The following NLRC3 variants were observed in gnomAD, a reference collection of about 807,000 sequenced individuals.
NLRC3 encodes NLR family CARD domain containing 3, also known as NLR family CARD domain-containing protein 3.
In NLRC3, 87 loss-of-function variants were observed where a neutral mutation model predicts 91.6. The observed-to-expected ratio is 0.95, with a 90% CI of 0.80 to 1.14. NLRC3 has a LOEUF of 1.14. Among genes scored for constraint, NLRC3 ranks in the 50% most tolerant of loss-of-function variants. NLRC3 has a pLI of 0.00. For missense variants in NLRC3, 1,577 were observed against 1,418.6 expected (o/e 1.11, Z -1.79); for synonymous variants, 694 against 625.3 (o/e 1.11, Z -1.64).
chr16:3,549,431 C>A (rs888685464), intron 12 of NLRC3, among the ~76,000 whole-genome samples: 3 of 152,138 alleles, frequency 2.0e-5, no homozygotes, highest in African/African-American at 7.2e-5. Context: ...GGACCATCCG[C>A]AGTACAGGGA....
In NLRC3 at chr16:3,563,635, C is replaced by T. The variant is rs746225755; in HGVS notation, c.1302G>A (p.Pro434=). The T allele has an allele frequency of 1.3e-5, 21 of 1,611,442 alleles. No individual in the cohort carries two copies. The highest frequency in any genetic ancestry group is 4.5e-5 in the East Asian group (2 of 44,664). ...CCTCTCTCTGCAGGAAGCAGCTGCACGGGGCGCCCTGCAGCAGAGCGAGGT... is the reference window on the plus strand; with the variant it reads ...CCTCTCTCTGCAGGAAGCAGCTGCATGGGGCGCCCTGCAGCAGAGCGAGGT... ...GVDLALLQGA[P]CSCFLQREET... is the part of the protein sequence containing the mutation. The change falls in exon 5 of 20, where the codon CCG becomes CCA. Residue 434 remains proline, a synonymous_variant. Coordinates refer to ENST00000359128, the MANE Select transcript of NLRC3 (RefSeq NM_178844.4).
intron 1 of NLRC3, among the ~76,000 whole-genome samples, chr16:3,569,400 T>TTA (rs2040015665): frequency 1.3e-5 from 1 of 77,010 alleles, no homozygotes; most frequent in African/African-American, 6.9e-5. Flanking sequence ...ATATATTATT[T>TTA]TTTTTTTTTT....
Position 3,541,671 on chromosome 16 carries a change from T to A in NLRC3, c.*154A>T. On this transcript the variant is annotated 3_prime_UTR_variant, in exon 20 of 20. Transcript: ENST00000359128. ...AGCAGAAGAGGAGCTCACGACCTCCTCCGGCAGCACCTCTCCTTCCTCCCT... is the reference window on the plus strand; with the variant it reads ...AGCAGAAGAGGAGCTCACGACCTCCACCGGCAGCACCTCTCCTTCCTCCCT... 1.6e-6 allele frequency: 1 copy of A among 621,468 alleles called. No individual in the cohort carries two copies. The allele number at this position is 621,468 out of a possible 1,614,324, so 38.5% of individuals were successfully genotyped here.
intron 10 of NLRC3, among the ~76,000 whole-genome samples, chr16:3,550,952 T>C (rs1222423448): frequency 4.6e-5 from 7 of 152,102 alleles, no homozygotes; most frequent in East Asian, 1.9e-4. Flanking sequence ...CACTCACTTA[T>C]TGATTTATCT....
At chr16:3,567,022 C>T (rs1258143282) in intron 2 of NLRC3, among the ~76,000 whole-genome samples, 1 of 152,194 alleles carries the variant, frequency 6.6e-6, no homozygotes, top group East Asian at 1.9e-4. Context: ...CCTGGGGTCT[C>T]CTGGGAGTGC....
intron 17 of NLRC3, chr16:3,543,069 G>C (rs935848952): frequency 2.2e-5 from 11 of 502,024 alleles, no homozygotes; most frequent in African/African-American, 2.1e-4. Flanking sequence ...ATCTGGGCAG[G>C]TCCCCAGTGC....
intron 2 of NLRC3, among the ~76,000 whole-genome samples, chr16:3,566,076 C>T (rs963794743): frequency 1.2e-4 from 14 of 117,274 alleles, no homozygotes; most frequent in African/African-American, 4.7e-4. Context: ...CTTAACTCTT[C>T]TTGCTCCTGA....
At position 3,561,764 on chromosome 16, in the gene NLRC3, G is replaced by A; in HGVS notation, c.1953C>T (p.Asp651=). ...CGCTGCCCAGCAGCTCCATCACGGG[G>A]TCCTGGAACTGGTTGGTGTCCAGCC... ...KLRLDTNQFQ[D]PVMELLGSVL... is the part of the protein sequence containing the mutation. The change falls in exon 6 of 20, where the codon GAC becomes GAT. Residue 651 remains aspartate (D), a synonymous_variant. Coordinates refer to ENST00000359128, the MANE Select transcript of NLRC3 (RefSeq NM_178844.4). 6.2e-7 allele frequency: 1 copy of A among 1,613,482 alleles called. No individual in the cohort carries two copies. The highest frequency in any genetic ancestry group is 8.5e-7 in the Non-Finnish European group (1 of 1,179,664).
At chr16:3,573,434 C>G (rs992547587) in intron 1 of NLRC3, among the ~76,000 whole-genome samples, 2 of 152,162 alleles carry the variant, frequency 1.3e-5, no homozygotes, top group African/African-American at 4.8e-5. Flanking sequence ...CTCACACACA[C>G]ACACAAAAGC....
chr16:3,557,447 C>G (rs2039396474), intron 7 of NLRC3, 146 bp downstream of exon 7: 1 of 609,356 alleles, frequency 1.6e-6, no homozygotes, highest in Admixed American at 2.9e-5. Flanking sequence ...TGTCCAGATG[C>G]TACCCAGGGG....
chr16:3,552,139 G>C, intron 10 of NLRC3, 57 bp downstream of exon 10: 1 of 1,021,604 alleles, frequency 9.8e-7, no homozygotes, highest in Non-Finnish European at 1.6e-6. Flanking sequence ...ATTTGTGCTG[G>C]GTTGGGCATT....
At chr16:3,554,467 G>A (rs1234131087) in intron 8 of NLRC3, 142 bp from the exon 9 acceptor site, 14 of 617,672 alleles carry the variant, frequency 2.3e-5, no homozygotes, top group Non-Finnish European at 3.8e-5. Flanking sequence ...TGCAGGGAGA[G>A]CAGTGGACCC....
intron 9 of NLRC3, among the ~76,000 whole-genome samples, chr16:3,553,167 C>A (rs866462046): frequency 3.5e-4 from 54 of 152,308 alleles, no homozygotes; most frequent in African/African-American, 1.3e-3. Flanking sequence ...CTCCTTACCA[C>A]CCTCATTTTC....
chr16:3,574,459 A>G (rs1161448082), intron 1 of NLRC3, among the ~76,000 whole-genome samples: 1 of 152,102 alleles, frequency 6.6e-6, no homozygotes, highest in Non-Finnish European at 1.5e-5. Flanking sequence ...AGGGAGGGAC[A>G]GTGCTGGCAG....
At position 3,564,595 on chromosome 16, in the gene NLRC3, C is replaced by G; in HGVS notation, c.342G>C (p.Gly114=). ...HDFTQVEATR[G]GGHPARTVAL... ...CGACGGTCCTGGCGGGGTGCCCGCC[C>G]CCGCGGGTGGCCTCCACCTGTGTGA... The change falls in exon 5 of 20, where the codon GGG becomes GGC. Residue 114 remains glycine, a synonymous_variant. Transcript: ENST00000359128. This position sits in a 1 kb window ranked among gnomAD's most constrained non-coding sequence, Gnocchi z 5.9. 1 of 1,611,146 alleles carries G rather than the reference C, an allele frequency of 6.2e-7. No individual in the cohort carries two copies. Among genetic ancestry groups the G allele is most frequent in the South Asian group, 1.1e-5 (1 of 91,042 alleles).
chr16:3,549,598 C>G (rs988663089), intron 12 of NLRC3, 99 bp downstream of exon 12: 3 of 934,936 alleles, frequency 3.2e-6, no homozygotes, highest in Admixed American at 4.3e-5. Context: ...GCTTCCCCAG[C>G]CATAGATTTC....
rs1401748303 is a variant in NLRC3 at position 3,561,691 on chromosome 16, G to A, written c.2015+11C>T. 6.3e-7 allele frequency: 1 copy of A among 1,597,704 alleles called. No homozygotes were observed. On this transcript the variant is annotated intron_variant, in intron 6 of 19. Coordinates refer to ENST00000359128, the MANE Select transcript of NLRC3 (RefSeq NM_178844.4). Reference sequence around the variant, plus strand: ...CATAGGCACCCTGGAGGTCCCCTGGGTCTGTGTTACCTGATCTTCTGAATG... The same window carrying A: ...CATAGGCACCCTGGAGGTCCCCTGGATCTGTGTTACCTGATCTTCTGAATG...
chr16:3,546,874 C>T (rs1203866665), intron 15 of NLRC3, among the ~76,000 whole-genome samples: 3 of 152,010 alleles, frequency 2.0e-5, no homozygotes, highest in Non-Finnish European at 4.4e-5. Flanking sequence ...TGACATAGGA[C>T]GATCCCTGAG....
In NLRC3 at chr16:3,563,405, T is replaced by C; in HGVS notation, c.1532A>G (p.Asp511Gly). The C allele has an allele frequency of 2.5e-6, 4 of 1,577,984 alleles. No homozygotes were observed. The highest frequency in any genetic ancestry group is 3.4e-6 in the Non-Finnish European group (4 of 1,162,534). ...RAMQAEDGRL[D>G]VFLRFLSGLL... is the part of the protein sequence containing the mutation. The stretch of plus-strand genomic sequence containing the variant: ...GCCGGAGAGGAAGCGCAGGAACACG[T>C]CCAGCCTCCCGTCCTCTGCCTGCAT... Residue 511 changes from aspartate (D) to glycine (G), a missense_variant, in exon 5 of 20, where the codon GAC (aspartate) becomes GGC (glycine). Asp to Gly is a moderately conservative substitution (Grantham distance 94). Coordinates refer to ENST00000359128, the MANE Select transcript of NLRC3 (RefSeq NM_178844.4).
Sources: gnomAD v4.1 joint callset for allele counts (sites outside exome capture counted in the v4.1 genomes callset) on GRCh38, gnomAD v4.1.1 for gene constraint, Gnocchi (gnomAD v3.1) non-coding constraint, MANE v1.5 for transcripts, NCBI Gene and HGNC (gene_info 2026-07-23, HGNC 2026-07-21) for gene names.